Variants in DGKB observed in about 807,000 individuals in gnomAD.
DGKB encodes the protein diacylglycerol kinase beta.
In DGKB, 67 loss-of-function variants were observed where a neutral mutation model predicts 114.3. The observed-to-expected ratio is 0.59, with a 90% confidence interval of 0.48 to 0.72. DGKB has a LOEUF of 0.72. DGKB is among the 30% of genes least tolerant of loss of function. The pLI is 0.00. For synonymous variants in DGKB, 398 were observed against 323.1 expected, an observed-to-expected ratio of 1.23 and a Z score of -2.49; for missense variants, 907 against 975.2, an observed-to-expected ratio of 0.93 and a Z score of 0.93.
intron 2 of DGKB, among the ~76,000 whole-genome samples, chr7:14,787,724 C>A (rs897514253): frequency 6.6e-6 from 1 of 152,186 alleles, no homozygotes; most frequent in African/African-American, 2.4e-5. Flanking sequence ...ATTGAGAGGC[C>A]TCCCTCCTCC....
chr7:14,442,949 T>G (rs1326132501), intron 21 of DGKB, among the ~76,000 whole-genome samples: 2 of 152,136 alleles, frequency 1.3e-5, no homozygotes, highest in African/African-American at 2.4e-5. Flanking sequence ...AAAATTCACC[T>G]TAACATTACC....
rs113307726 is a variant in DGKB, at chr7:14,211,928, A to G, written c.2123-33777T>C. ...CTCATGTTTTGTGATATTTACTCTC[A>G]TGTTTTGTGATTTTACTCTCGTGTT... On this transcript the variant is annotated intron_variant, in intron 23 of 25. Transcript: ENST00000402815. 3.0e-3 allele frequency among the ~76,000 whole-genome samples: 3 copies of G among 1,000 alleles called. 1 individual carries two copies. The highest frequency in any genetic ancestry group is 0.023 in the African/African-American group (3 of 132). The allele number at this position is 1,000 out of a possible 152,430, so 0.7% of individuals were successfully genotyped here.
intron 21 of DGKB, among the ~76,000 whole-genome samples, chr7:14,465,273 C>G (rs1425702656): frequency 6.7e-6 from 1 of 148,774 alleles, no homozygotes; most frequent in Non-Finnish European, 1.5e-5. Flanking sequence ...TCTCCAAGTA[C>G]TTTCACATTA....
intron 6 of DGKB, among the ~76,000 whole-genome samples, chr7:14,704,343 G>A (rs1401301583): frequency 1.3e-5 from 2 of 150,610 alleles, no homozygotes; most frequent in African/African-American, 4.9e-5. Context: ...AGCTACGCGG[G>A]AGGCTGAGGC....
At chr7:14,924,570 G>T (rs753422919) in intron 1 of DGKB, among the ~76,000 whole-genome samples, 12 of 152,170 alleles carry the variant, frequency 7.9e-5, no homozygotes, top group Admixed American at 3.3e-4. Context: ...CATTCTTGAT[G>T]ACTTGGTCAG....
At chr7:14,942,659 G>A (rs555323505) in intron 1 of DGKB, among the ~76,000 whole-genome samples, 1 of 151,908 alleles carries the variant, frequency 6.6e-6, no homozygotes, top group Non-Finnish European at 1.5e-5. Context: ...TCTGTTCCCT[G>A]AACTCTCCAA....
chr7:14,683,309 C>G (rs1821146905), intron 10 of DGKB, among the ~76,000 whole-genome samples: 1 of 152,144 alleles, frequency 6.6e-6, no homozygotes, highest in Non-Finnish European at 1.5e-5. Flanking sequence ...GCTGATTAGT[C>G]TATTTCCAGA....
intron 14 of DGKB, among the ~76,000 whole-genome samples, chr7:14,625,471 T>A (rs1808409865): frequency 6.6e-6 from 1 of 152,086 alleles, no homozygotes; most frequent in African/African-American, 2.4e-5. Context: ...CTGGCAGACC[T>A]CTATTATGAT....
intron 23 of DGKB, among the ~76,000 whole-genome samples, chr7:14,252,879 A>C (rs539199720): frequency 6.6e-6 from 1 of 152,152 alleles, no homozygotes; most frequent in Admixed American, 6.5e-5. Context: ...ATGGGCTTGG[A>C]CAAACTAGTG....
At chr7:14,272,019 G>A (rs1798336081) in intron 23 of DGKB, among the ~76,000 whole-genome samples, 1 of 152,064 alleles carries the variant, frequency 6.6e-6, no homozygotes, top group South Asian at 2.1e-4. Context: ...ATCTTCTATT[G>A]TCTCCTTTCC....
At chr7:14,810,712 G>A (rs1262405277) in intron 2 of DGKB, among the ~76,000 whole-genome samples, 3 of 151,110 alleles carry the variant, frequency 2.0e-5, no homozygotes, top group South Asian at 2.1e-4. Flanking sequence ...AGGCTCAAGC[G>A]ATTCGTGTGT....
chr7:14,253,468 C>A (rs1795536115), intron 23 of DGKB, among the ~76,000 whole-genome samples: 1 of 152,128 alleles, frequency 6.6e-6, no homozygotes, highest in South Asian at 2.1e-4. Context: ...AGGCTATTAG[C>A]ACTATATTGT....
At chr7:14,495,037 T>C (rs1452369285) in intron 20 of DGKB, among the ~76,000 whole-genome samples, 2 of 151,862 alleles carry the variant, frequency 1.3e-5, no homozygotes, top group Non-Finnish European at 2.9e-5. Context: ...AGAATCAAAT[T>C]ATTTATTTTC....
chr7:14,374,583 G>A (rs1818190534), intron 21 of DGKB, among the ~76,000 whole-genome samples: 1 of 152,054 alleles, frequency 6.6e-6, no homozygotes, highest in Admixed American at 6.5e-5. Context: ...TTTGAATTTA[G>A]GATTAAAATC....
chr7:14,511,009 T>C (rs1375471236), intron 20 of DGKB, among the ~76,000 whole-genome samples: 9 of 152,208 alleles, frequency 5.9e-5, no homozygotes, highest in Non-Finnish European at 1.3e-4. Context: ...GGCTTTGTTA[T>C]TCCATTTATA....
rs1793852759 is a variant in DGKB, at chr7:14,242,686, GA to G, written c.2123-64536del. On this transcript the variant is annotated intron_variant, in intron 23 of 25. Coordinates refer to ENST00000402815, the MANE Select transcript of DGKB (RefSeq NM_001350709.2). Reference sequence around the variant, plus strand: ...CTTTTTTGACTCCAGCTTCTTATAAGATAAGTCATAAAATTTAATTGGTGTC... The same window carrying G: ...CTTTTTTGACTCCAGCTTCTTATAAGTAAGTCATAAAATTTAATTGGTGTC... 2.7e-4 allele frequency among the ~76,000 whole-genome samples: 25 copies of G among 91,202 alleles called. No homozygotes were observed. The Admixed American group carries it at 2.8e-3, about 10-fold the overall frequency. The allele number at this position is 91,202 out of a possible 152,430, so 59.8% of individuals were successfully genotyped here.
intron 2 of DGKB, among the ~76,000 whole-genome samples, chr7:14,774,705 A>G (rs781396551): frequency 6.6e-6 from 1 of 152,202 alleles, no homozygotes; most frequent in Non-Finnish European, 1.5e-5. Flanking sequence ...AAGTTAATAA[A>G]GACAGATGGT....
intron 25 of DGKB, among the ~76,000 whole-genome samples, chr7:14,162,132 C>T (rs1294754328): frequency 2.0e-5 from 3 of 151,980 alleles, no homozygotes; most frequent in Non-Finnish European, 4.4e-5. Flanking sequence ...TACACAAAAT[C>T]GGAGATCACA....
chr7:14,765,026 T>C (rs2128460780), intron 2 of DGKB, among the ~76,000 whole-genome samples: 2 of 152,118 alleles, frequency 1.3e-5, no homozygotes, highest in South Asian at 2.1e-4. Context: ...AGAATTTTCA[T>C]AAAAGTACAA....
Sources: gnomAD v4.1 joint callset for allele counts (sites outside exome capture counted in the v4.1 genomes callset) on GRCh38, gnomAD v4.1.1 for gene constraint, MANE v1.5 for transcripts, NCBI Gene and HGNC (gene_info 2026-07-23, HGNC 2026-07-21) for gene names.